The following HESX1 variants were observed in gnomAD, a reference collection of about 807,000 sequenced individuals.
The protein encoded by HESX1 is homeobox expressed in ES cells 1.
In HESX1, 11 loss-of-function variants were observed where a neutral mutation model predicts 22.5. The ratio of observed to expected loss-of-function variants is 0.49; its 90% CI spans 0.31 to 0.81. The LOEUF (loss-of-function observed/expected upper bound fraction) is 0.81. Ranked by LOEUF, HESX1 falls within the 30% of genes least tolerant of loss-of-function variation. HESX1 has a pLI of 0.05. For synonymous variants in HESX1, 74 were observed against 76.5 expected (o/e 0.97, Z 0.17); for missense variants, 201 against 212.6 (o/e 0.95, Z 0.34).
chr3:57,201,875 A>ACC (rs2060489502), upstream of HESX1, among the ~76,000 whole-genome samples: 3 of 131,844 alleles, frequency 2.3e-5, no homozygotes, highest in Non-Finnish European at 4.9e-5. Flanking sequence ...CTATCTATCT[A>ACC]TATCTATCTA....
intron 1 of HESX1, among the ~76,000 whole-genome samples, chr3:57,199,236 G>A (rs2060467842): frequency 6.6e-6 from 1 of 152,150 alleles, no homozygotes; most frequent in Admixed American, 6.5e-5. Flanking sequence ...AGGTTCTTGG[G>A]ATTTCCTGTG....
intron 1 of HESX1, 139 bp downstream of exon 1, chr3:57,199,623 A>G (rs967548176): frequency 6.8e-6 from 3 of 441,196 alleles, no homozygotes; most frequent in Non-Finnish European, 9.8e-6. Flanking sequence ...CTGTCTCAGA[A>G]AAAAAAAAAA....
At chr3:57,225,048 T>C (rs1579370630) in intron 1 of HESX1, among the ~76,000 whole-genome samples, 1 of 152,330 alleles carries the variant, frequency 6.6e-6, no homozygotes, top group East Asian at 1.9e-4. Flanking sequence ...CCTCATTTCC[T>C]GTATGAAAGA....
chr3:57,225,733 C>T (rs2060638450), intron 1 of HESX1, among the ~76,000 whole-genome samples: 1 of 152,160 alleles, frequency 6.6e-6, no homozygotes, highest in Admixed American at 6.5e-5. Context: ...TACAGAAACA[C>T]AGTTTAGATG....
At chr3:57,226,192 T>C (rs1235948436) in intron 1 of HESX1, 1 of 152,144 alleles carries the variant, frequency 6.6e-6, no homozygotes, top group East Asian at 1.9e-4. Context: ...TTTTTTTCTT[T>C]CTTATACATT....
intron 1 of HESX1, among the ~76,000 whole-genome samples, chr3:57,208,368 T>C (rs200177671): frequency 2.1e-5 from 3 of 144,662 alleles, no homozygotes; most frequent in Non-Finnish European, 3.1e-5. Context: ...GATTGATTGA[T>C]TGAGATGGAG....
chr3:57,203,917 T>C (rs1443520463), upstream of HESX1, among the ~76,000 whole-genome samples: 1 of 152,140 alleles, frequency 6.6e-6, no homozygotes, highest in Non-Finnish European at 1.5e-5. Flanking sequence ...GTGATCTGCC[T>C]GACTCGTCCT....
chr3:57,201,855 ATATC>A (rs1396800063), upstream of HESX1, among the ~76,000 whole-genome samples: 339 of 142,978 alleles, frequency 2.4e-3, 1 homozygote, highest in African/African-American at 7.7e-3. Context: ...TTGGATTTAC[ATATC>A]TATATCTATC....
chr3:57,227,606 C>T (rs966008173), upstream of HESX1: 6 of 305,150 alleles, frequency 2.0e-5, no homozygotes, highest in South Asian at 6.1e-4. Flanking sequence ...CGCCCGCGCT[C>T]GCGGGAGAGC....
chr3:57,198,299 A>T lies in HESX1; in HGVS notation c.460-4T>A, dbSNP rs1559496589. The T allele has an allele frequency of 6.2e-7, 1 of 1,607,266 alleles. No homozygotes were observed. Among genetic ancestry groups the T allele is most frequent in the Non-Finnish European group, 8.5e-7 (1 of 1,173,966 alleles). On this transcript the variant is annotated splice_polypyrimidine_tract_variant and splice_region_variant and intron_variant, in intron 3 of 3. Transcript: ENST00000295934. ...CACGCCGATTTTGAAACCAAATCTA[A>T]AGTTAAGGAAAAATAAAATAGGTCT...
chr3:57,212,557 C>CAAAAAAAAAAAAAAAAAAAAAAAAAAA (rs56093005), intron 1 of HESX1, among the ~76,000 whole-genome samples: 11 of 80,120 alleles, frequency 1.4e-4, no homozygotes, highest in South Asian at 4.2e-4. Context: ...GACTCTGTCT[C>CAAAAAAAAAAAAAAAAAAAAAAAAAAA]AAAAAAAAAA....
At chr3:57,216,706 C>G (rs1234324730) in intron 1 of HESX1, among the ~76,000 whole-genome samples, 1 of 152,164 alleles carries the variant, frequency 6.6e-6, no homozygotes, top group East Asian at 1.9e-4. Context: ...GCTGTGTTCT[C>G]ATTATTTCCA....
Position 57,198,751 on chromosome 3 carries a change from A to G in HESX1, c.357+2T>C, listed in dbSNP as rs575112817. ...TCATTATTGGGTGAAAAAACTTCCC[A>G]CCTGGTTTTGAGTAAAAGCAGTTCT... is the stretch of plus-strand genomic sequence containing the variant. On this transcript the variant is annotated splice_donor_variant, in intron 2 of 3. Transcript: ENST00000295934. LOFTEE classifies it high-confidence loss of function. 2 of 1,613,584 alleles carry G rather than the reference A, an allele frequency of 1.2e-6. No individual in the cohort carries two copies. Among genetic ancestry groups the G allele is most frequent in the Non-Finnish European group, 1.7e-6 (2 of 1,179,818 alleles).
At chr3:57,198,650 A>T in intron 2 of HESX1, 103 bp downstream of exon 2, 1 of 1,144,034 alleles carries the variant, frequency 8.7e-7, no homozygotes, top group Non-Finnish European at 1.3e-6. Flanking sequence ...CTGTTTCATT[A>T]ATAAGGCTTC....
chr3:57,220,341 AT>A (rs749367120), intron 1 of HESX1, among the ~76,000 whole-genome samples: 4 of 152,182 alleles, frequency 2.6e-5, no homozygotes, highest in Non-Finnish European at 5.9e-5. Flanking sequence ...ATTTAGCTAA[AT>A]CACTAATGTA....
At chr3:57,227,443 C>T (rs2060654241), upstream of HESX1, among the ~76,000 whole-genome samples, 1 of 152,236 alleles carries the variant, frequency 6.6e-6, no homozygotes, top group Non-Finnish European at 1.5e-5. Flanking sequence ...AAAGTCAACC[C>T]GCCCCAAATT....
At chr3:57,205,336 T>C (rs1262045447) in intron 1 of HESX1, among the ~76,000 whole-genome samples, 2 of 152,004 alleles carry the variant, frequency 1.3e-5, no homozygotes, top group Non-Finnish European at 2.9e-5. Context: ...CTTGAGCCCA[T>C]GAGGTCAAGG....
intron 1 of HESX1, among the ~76,000 whole-genome samples, chr3:57,220,972 CA>C (rs920028319): frequency 2.0e-5 from 3 of 152,104 alleles, no homozygotes; most frequent in African/African-American, 7.2e-5. Context: ...CAGGCCAGGC[CA>C]CTCTTACATT....
At chr3:57,225,929 G>A (rs1371658674) in intron 1 of HESX1, among the ~76,000 whole-genome samples, 1 of 143,316 alleles carries the variant, frequency 7.0e-6, no homozygotes, top group Non-Finnish European at 1.5e-5. Flanking sequence ...CGCCCAGGCC[G>A]GAGCGCAGTG....
Sources: allele counts gnomAD v4.1 joint callset (sites outside exome capture counted in the v4.1 genomes callset), GRCh38; gene constraint gnomAD v4.1.1; transcripts MANE v1.5; gene names NCBI Gene and HGNC (gene_info 2026-07-23, HGNC 2026-07-21).